Variants in PLIN2 observed in about 807,000 individuals in gnomAD.
The protein encoded by PLIN2 is perilipin 2, also known as perilipin-2.
PLIN2 carries 33 observed loss-of-function variants against 30.6 expected under a neutral mutation model. The ratio of observed to expected loss-of-function variants is 1.08; its 90% CI spans 0.82 to 1.44. The LOEUF is 1.44. PLIN2 is among the 40% of genes most tolerant of loss of function. PLIN2 has a pLI of 0.00. For synonymous variants in PLIN2, 205 were observed against 201.1 expected (o/e 1.02, Z -0.16); for missense variants, 610 against 531.8 (o/e 1.15, Z -1.45).
Position 19,121,181 on chromosome 9 carries a change from C to G in PLIN2, c.310-16G>C. 1 of 1,611,788 alleles carries G rather than the reference C, an allele frequency of 6.2e-7. No homozygotes were observed. Among genetic ancestry groups the G allele is most frequent in the Non-Finnish European group, 8.5e-7 (1 of 1,178,242 alleles). On this transcript the variant is annotated splice_polypyrimidine_tract_variant and intron_variant, in intron 4 of 7. Coordinates refer to ENST00000276914, the MANE Select transcript of PLIN2 (RefSeq NM_001122.4). ...TGGCAACAATCTGTAAGTAGAAAAG[C>G]AGATCCCCTGGCTGGTGAGAAAAAT... is the stretch of plus-strand genomic sequence containing the variant.
At position 19,116,408 on chromosome 9, in the gene PLIN2, A is replaced by C; in HGVS notation, c.1154T>G (p.Leu385Ter). Residue 385 changes from leucine (L) to a stop codon, truncating the protein, a stop_gained, in exon 8 of 8, where the codon TTA (leucine) becomes TGA (stop). Transcript: ENST00000276914. LOFTEE classifies it low-confidence loss of function (END_TRUNC). ...AACAAGATAATCCATCACGTCATCT[A>C]AAGATTCCTTCATTTTCTGCAGCTG... ...KGQLQKMKESLDDVMDYLVNN... is the reference protein window; with the variant it reads ...KGQLQKMKES The C allele has an allele frequency of 6.2e-7, 1 of 1,614,236 alleles. No individual in the cohort carries two copies. The highest frequency in any genetic ancestry group is 8.5e-7 in the Non-Finnish European group (1 of 1,180,044).
chr9:19,112,986 G>A (rs1202632456), downstream of PLIN2, among the ~76,000 whole-genome samples: 1 of 148,098 alleles, frequency 6.8e-6, no homozygotes, highest in Non-Finnish European at 1.5e-5. Flanking sequence ...TTTTTAATTT[G>A]TACTAAAGTA....
chr9:19,120,623 T>C (rs1003587577), intron 5 of PLIN2, among the ~76,000 whole-genome samples: 3 of 152,108 alleles, frequency 2.0e-5, no homozygotes, highest in African/African-American at 7.2e-5. Context: ...GGCAGGTGGA[T>C]CGTTTGAGCC....
At chr9:19,122,909 G>A (rs1818341501) in intron 4 of PLIN2, among the ~76,000 whole-genome samples, 1 of 152,036 alleles carries the variant, frequency 6.6e-6, no homozygotes. Context: ...GGGACCACTG[G>A]GCTCTACCAT....
At chr9:19,126,807 C>T (rs1258329254) in intron 1 of PLIN2, among the ~76,000 whole-genome samples, 2 of 152,056 alleles carry the variant, frequency 1.3e-5, no homozygotes, top group African/African-American at 2.4e-5. Flanking sequence ...TTTGGGAGGC[C>T]GAGGGGGGTG....
At chr9:19,120,205 C>A (rs1167165567) in intron 5 of PLIN2, among the ~76,000 whole-genome samples, 1 of 151,974 alleles carries the variant, frequency 6.6e-6, no homozygotes, top group African/African-American at 2.4e-5. Context: ...ACTCTAGGAA[C>A]AAGCCACCAT....
chr9:19,108,866 C>T (rs1007356256), intron 2 of PLIN2: 4 of 152,304 alleles, frequency 2.6e-5, no homozygotes, highest in African/African-American at 9.7e-5. Context: ...CATAGCTGTG[C>T]TTTTTGAAAA....
chr9:19,126,500 C>T (rs1818402164), intron 1 of PLIN2, 52 bp from the exon 2 acceptor site: 2 of 1,185,824 alleles, frequency 1.7e-6, no homozygotes, highest in African/African-American at 3.0e-5. Context: ...CTCCCAAATT[C>T]ATTCCCCAAC....
chr9:19,126,323 A>C lies in PLIN2; in HGVS notation c.31-14T>G. 5.0e-6 allele frequency: 8 copies of C among 1,613,682 alleles called. No homozygotes were observed. Among genetic ancestry groups the C allele is most frequent in the African/African-American group, 1.3e-5 (1 of 75,064 alleles). On this transcript the variant is annotated splice_polypyrimidine_tract_variant and intron_variant, in intron 2 of 7. Transcript: ENST00000276914. ...AGTCACCACACTCTGCAATCAAAGT[A>C]GGGAGGGTATGCTTATTAATCTCTC...
intron 2 of PLIN2, among the ~76,000 whole-genome samples, chr9:19,110,487 GT>G (rs1818145933): frequency 6.6e-6 from 1 of 151,792 alleles, no homozygotes; most frequent in Admixed American, 6.6e-5. Context: ...TTGTTTGTTT[GT>G]TTGTTTTGAG....
At chr9:19,118,188 C>T in intron 7 of PLIN2, 133 bp downstream of exon 7, 2 of 827,392 alleles carry the variant, frequency 2.4e-6, no homozygotes, top group Non-Finnish European at 3.7e-6. Flanking sequence ...CATAACTAGC[C>T]ACCTATGTAC....
chr9:19,118,802 C>T (rs1008605284), intron 6 of PLIN2, among the ~76,000 whole-genome samples: 1 of 152,210 alleles, frequency 6.6e-6, no homozygotes, highest in Admixed American at 6.5e-5. Context: ...ACCTCCTTCT[C>T]GTGCCTTAGC....
chr9:19,118,092 C>T (rs566766152), intron 7 of PLIN2, among the ~76,000 whole-genome samples: 1 of 152,306 alleles, frequency 6.6e-6, no homozygotes, highest in South Asian at 2.1e-4. Context: ...CTGTGTTTCT[C>T]ATTTAGTTGT....
chr9:19,121,267 A>T, intron 4 of PLIN2, 102 bp from the exon 5 acceptor site: 3 of 1,001,210 alleles, frequency 3.0e-6, no homozygotes, highest in Non-Finnish European at 3.0e-6. Flanking sequence ...TTAAAGAAGG[A>T]ATCTAGTCCT....
downstream of PLIN2, among the ~76,000 whole-genome samples, chr9:19,112,550 A>C (rs1159444280): frequency 1.3e-5 from 2 of 152,024 alleles, no homozygotes; most frequent in Non-Finnish European, 2.9e-5. Flanking sequence ...CTTTACAAAA[A>C]TACAAAAATT....
chr9:19,109,669 CA>C (rs1480301118), intron 2 of PLIN2, among the ~76,000 whole-genome samples: 1 of 150,276 alleles, frequency 6.7e-6, no homozygotes, highest in Non-Finnish European at 1.5e-5. Flanking sequence ...CTAACAGCAA[CA>C]AAAATCCCTC....
rs914123731 is a variant in PLIN2, at chr9:19,119,787, G to C, written c.640C>G (p.Pro214Ala). Residue 214 changes from proline to alanine, a missense_variant, in exon 6 of 8, where the codon CCA (proline) becomes GCA (alanine). Physicochemically the swap from Pro to Ala is conservative, Grantham distance 27 (BLOSUM62 -1). Coordinates refer to ENST00000276914, the MANE Select transcript of PLIN2 (RefSeq NM_001122.4). ...GATCCCAGTCTAACATAATAACTTG[G>C]CTTCTGAACCAGATCAAATCCTTCA... Reference protein sequence around the residue: ...KVEGFDLVQKPSYYVRLGSLS... With the variant: ...KVEGFDLVQKASYYVRLGSLS... The C allele has an allele frequency of 4.4e-6, 7 of 1,600,058 alleles. No homozygotes were observed. Among genetic ancestry groups the C allele is most frequent in the African/African-American group, 1.3e-5 (1 of 74,376 alleles).
chr9:19,113,181 A>G (rs140636401), downstream of PLIN2, among the ~76,000 whole-genome samples: 605 of 152,080 alleles, frequency 4.0e-3, 3 homozygotes, highest in South Asian at 0.027. Context: ...CATCTCTACT[A>G]AAAAGACAAA....
intron 4 of PLIN2, 108 bp downstream of exon 4, chr9:19,123,457 T>C: frequency 6.3e-7 from 1 of 1,575,934 alleles, no homozygotes; most frequent in Non-Finnish European, 8.6e-7. Context: ...CAGATCCAGG[T>C]TGGGAAAACA....
Sources: allele counts gnomAD v4.1 joint callset (sites outside exome capture counted in the v4.1 genomes callset), GRCh38; gene constraint gnomAD v4.1.1; transcripts MANE v1.5; gene names NCBI Gene and HGNC (gene_info 2026-07-23, HGNC 2026-07-21).